The following MGAM variants were observed in gnomAD, a reference collection of about 807,000 sequenced individuals.
MGAM encodes maltase-glucoamylase.
MGAM carries 253 observed loss-of-function variants against 358.8 expected under a neutral mutation model. The observed-to-expected ratio is 0.71, with a 90% CI of 0.64 to 0.78. The LOEUF is 0.78. Among genes scored for constraint, MGAM ranks in the 30% least tolerant of loss-of-function variants. MGAM has a pLI of 0.00. For synonymous variants in MGAM, 1,105 were observed against 1,227.1 expected (o/e 0.90, Z 2.08); for missense variants, 3,080 against 3,432.6 (o/e 0.90, Z 2.57).
chr7:142,045,081 A>G (rs1354731738), intron 21 of MGAM, among the ~76,000 whole-genome samples: 2 of 77,202 alleles, frequency 2.6e-5, no homozygotes, highest in African/African-American at 9.3e-5. Context: ...CGTGTAATAT[A>G]TGATATATAA....
At chr7:142,020,262 G>A (rs532151551) in intron 4 of MGAM, among the ~76,000 whole-genome samples, 18 of 152,198 alleles carry the variant, frequency 1.2e-4, no homozygotes, top group African/African-American at 3.9e-4. Context: ...TAGGGAGATG[G>A]CATCAATGGA....
intron 3 of MGAM, among the ~76,000 whole-genome samples, chr7:142,012,655 T>C (rs1805682871): frequency 6.6e-6 from 1 of 152,232 alleles, no homozygotes; most frequent in South Asian, 2.1e-4. Context: ...TTATTATATG[T>C]AGTGATTTTG....
At position 142,080,925 on chromosome 7, in the gene MGAM, G is replaced by T. The variant is rs189122871; in HGVS notation, c.5982G>T (p.Arg1994=). ...ATCCATTTGGGATTGAAATTCGCCG[G>T]AAGAGTACAGGCACTATAATGTGAG... The part of the protein sequence containing the change: ...KKNPFGIEIR[R]KSTGTIIWDS... The change falls in exon 50 of 71, where the codon CGG becomes CGT. Residue 1994 remains arginine, a synonymous_variant. Transcript: ENST00000475668. 1 of 1,555,512 alleles carries T rather than the reference G, an allele frequency of 6.4e-7. No individual in the cohort carries two copies. Among genetic ancestry groups the T allele is most frequent in the Admixed American group, 1.7e-5 (1 of 58,398 alleles).
At chr7:142,071,843 C>T (rs1813373249) in intron 44 of MGAM, among the ~76,000 whole-genome samples, 1 of 145,950 alleles carries the variant, frequency 6.9e-6, no homozygotes, top group Admixed American at 6.9e-5. Flanking sequence ...TAATTGATTC[C>T]AAAATTATAG....
rs1807998388 is a variant in MGAM at position 142,036,371 on chromosome 7, A to G, written c.2076+86A>G. 6.0e-6 allele frequency: 6 copies of G among 995,984 alleles called. No homozygotes were observed. The Admixed American group carries it at 1.0e-4, about 17-fold the overall frequency. The allele number at this position is 995,984 out of a possible 1,614,324, so 61.7% of individuals were successfully genotyped here. On this transcript the variant is annotated intron_variant, in intron 17 of 70. Coordinates refer to ENST00000475668, the MANE Select transcript of MGAM (RefSeq NM_001365693.1). ...TGCATCCTTGCCAAGAGATCTGCTG[A>G]ACCAACCTCTTACCTGGTCTTCACT...
In MGAM at chr7:142,080,612, G is replaced by C. The variant is rs191433426; in HGVS notation, c.5848-179G>C. Among the ~76,000 whole-genome samples the C allele has an allele frequency of 8.9e-5, 13 of 146,214 alleles. 2 individuals are homozygous for C. The highest frequency in any genetic ancestry group is 1.2e-4 in the African/African-American group (5 of 41,204). On this transcript the variant is annotated intron_variant, in intron 49 of 70. Coordinates refer to ENST00000475668, the MANE Select transcript of MGAM (RefSeq NM_001365693.1). ...GAGGCCTTAGTAATGAGAAATGACA[G>C]ACAAACATATTAAATCTGACATTGT... is the stretch of plus-strand genomic sequence containing the variant.
chr7:142,085,031 A>G lies in MGAM; in HGVS notation c.6507+387A>G, dbSNP rs1316010736. Among the ~76,000 whole-genome samples the G allele has an allele frequency of 1.4e-5, 2 of 146,708 alleles. 1 individual carries two copies. The highest frequency in any genetic ancestry group is 3.1e-5 in the Non-Finnish European group (2 of 64,728). ...AAAACTAACCCCAAACCATCAGACCATTGTATATGTGGATACGACCTCAGT... is the reference window on the plus strand; with the variant it reads ...AAAACTAACCCCAAACCATCAGACCGTTGTATATGTGGATACGACCTCAGT... On this transcript the variant is annotated intron_variant, in intron 54 of 70. Transcript: ENST00000475668.
chr7:142,079,487 A>G lies in MGAM; in HGVS notation c.5847+479A>G, dbSNP rs142480815. 2.6e-3 allele frequency among the ~76,000 whole-genome samples: 374 copies of G among 145,910 alleles called. 15 individuals are homozygous for G. Among genetic ancestry groups the G allele is most frequent in the African/African-American group, 8.5e-3 (348 of 41,162 alleles). ...CATCAACCAGAATGGGAATACTGAA[A>G]AGGTTTGTGCTTGATCAATGTAAGA... On this transcript the variant is annotated intron_variant, in intron 49 of 70. Coordinates refer to ENST00000475668, the MANE Select transcript of MGAM (RefSeq NM_001365693.1).
At chr7:142,078,519 C>G (rs1198802710) in intron 48 of MGAM, 49 bp downstream of exon 48, 1 of 1,464,842 alleles carries the variant, frequency 6.8e-7, no homozygotes, top group South Asian at 1.3e-5. Context: ...CACACCTAAT[C>G]TATAGTTTCT....
Position 142,054,756 on chromosome 7 carries a change from T to A in MGAM, c.3162T>A (p.Ile1054=). The change falls in exon 27 of 71, where the codon ATT becomes ATA. Residue 1054 remains isoleucine (I), a splice_region_variant and synonymous_variant. Transcript: ENST00000475668. The part of the protein sequence containing the change: ...YHKNEMLQFK[I]YDPNKNRYEV... Reference sequence around the variant, plus strand: ...AAAATTGATTTCCTCTGGCCTAGATTTATGATCCCAACAAGAATCGGTATG... The same window carrying A: ...AAAATTGATTTCCTCTGGCCTAGATATATGATCCCAACAAGAATCGGTATG... The A allele has an allele frequency of 1.2e-6, 2 of 1,613,848 alleles. No individual in the cohort carries two copies. Among genetic ancestry groups the A allele is most frequent in the South Asian group, 2.2e-5 (2 of 91,060 alleles).
intron 42 of MGAM, among the ~76,000 whole-genome samples, chr7:142,067,965 AAT>A (rs1194685249): frequency 3.3e-5 from 1 of 30,112 alleles, no homozygotes; most frequent in African/African-American, 1.1e-4. Flanking sequence ...TATATATATA[AAT>A]ATATATATAT....
Position 142,026,558 on chromosome 7 carries a change from A to C in MGAM, c.983-557A>C, listed in dbSNP as rs571733356. On this transcript the variant is annotated intron_variant, in intron 8 of 70. Coordinates refer to ENST00000475668, the MANE Select transcript of MGAM (RefSeq NM_001365693.1). Reference sequence around the variant, plus strand: ...TGAAAGGGAATGGGGAAAGACACTTAGGAGAGAACAAATGACATTTTGGAA... The same window carrying C: ...TGAAAGGGAATGGGGAAAGACACTTCGGAGAGAACAAATGACATTTTGGAA... 1.4e-4 allele frequency among the ~76,000 whole-genome samples: 21 copies of C among 152,326 alleles called. No individual in the cohort carries two copies. The South Asian group carries it at 4.4e-3, about 32-fold the overall frequency.
Position 142,068,677 on chromosome 7 carries a change from A to G in MGAM, c.5035A>G (p.Arg1679Gly). Residue 1679 changes from arginine to glycine, a missense_variant, in exon 43 of 71, where the codon AGA (arginine) becomes GGA (glycine). By Grantham distance (125) the Arg-to-Gly change is moderately radical (BLOSUM62 -2). Around this residue, in one of 5 missense-constraint regions of MGAM, gnomAD observed 932 missense variants for 1,198.2 expected, o/e 0.78. Coordinates refer to ENST00000475668, the MANE Select transcript of MGAM (RefSeq NM_001365693.1). ...NARNVTAYFP[R>G]ARWYDYYTGV... Reference sequence around the variant, plus strand: ...CAGAAATGTCACTGCATATTTCCCTAGAGCCCGTTGGTACGATTACTACAC... The same window carrying G: ...CAGAAATGTCACTGCATATTTCCCTGGAGCCCGTTGGTACGATTACTACAC... The G allele has an allele frequency of 1.3e-6, 2 of 1,539,134 alleles. No individual in the cohort carries two copies. Among genetic ancestry groups the G allele is most frequent in the East Asian group, 2.3e-5 (1 of 43,900 alleles).
chr7:142,043,400 TATA>T lies in MGAM; in HGVS notation c.2498+2558_2498+2560del, dbSNP rs1388176086. On this transcript the variant is annotated intron_variant, in intron 21 of 70. Transcript: ENST00000475668. Reference sequence around the variant, plus strand: ...ATATAATATCTATATTATATATACATATAATATCTAAATATAATATCTATATTA... The same window carrying T: ...ATATAATATCTATATTATATATACATATATCTAAATATAATATCTATATTA... Among the ~76,000 whole-genome samples, 12 of 10,468 alleles carry T rather than the reference TATA, an allele frequency of 1.1e-3. 2 individuals carry two copies. Among genetic ancestry groups the T allele is most frequent in the South Asian group, 6.5e-3 (1 of 154 alleles). 6.9% of individuals were successfully genotyped at this position (10,468 alleles called of 152,430 possible).
rs527959348 is a variant in MGAM at position 142,056,549 on chromosome 7, G to T, written c.3581-281G>T. Among the ~76,000 whole-genome samples, 7 of 152,082 alleles carry T rather than the reference G, an allele frequency of 4.6e-5. No individual in the cohort carries two copies. The South Asian group carries it at 1.5e-3, about 32-fold the overall frequency. ...TATTCCCATGTAAGGAACCTGAACAGGTATCTCTTTATCTAACATAAAACT... is the reference window on the plus strand; with the variant it reads ...TATTCCCATGTAAGGAACCTGAACATGTATCTCTTTATCTAACATAAAACT... On this transcript the variant is annotated intron_variant, in intron 29 of 70. Coordinates refer to ENST00000475668, the MANE Select transcript of MGAM (RefSeq NM_001365693.1).
intron 31 of MGAM, 126 bp from the exon 32 acceptor site, chr7:142,059,346 A>C (rs761026999): frequency 1.7e-5 from 24 of 1,434,976 alleles, no homozygotes; most frequent in Middle Eastern, 4.6e-4. Context: ...CAAATGGCAG[A>C]GCTGGGATTT....
Position 142,090,354 on chromosome 7 carries a change from T to A in MGAM, c.6811-1559T>A, listed in dbSNP as rs140871175. Among the ~76,000 whole-genome samples the A allele has an allele frequency of 9.1e-3, 1,318 of 145,372 alleles. 143 individuals are homozygous for A. In the East Asian group the frequency reaches 0.098, roughly 11 times the overall value. On this transcript the variant is annotated intron_variant, in intron 57 of 70. Transcript: ENST00000475668. ...ATAATCTCTTTATTCTAATTCTCCA[T>A]CCCCCACCCATCCCGTCGTTTCTAA...
intron 61 of MGAM, 29 bp downstream of exon 61, chr7:142,094,526 C>G: frequency 6.4e-7 from 1 of 1,554,144 alleles, no homozygotes; most frequent in Non-Finnish European, 8.8e-7. Flanking sequence ...GGGCCTGTGC[C>G]GGTAGGGCAG....
At position 142,078,638 on chromosome 7, in the gene MGAM, A is replaced by G. The variant is rs115856882; in HGVS notation, c.5646+168A>G. On this transcript the variant is annotated intron_variant, in intron 48 of 70. Transcript: ENST00000475668. The stretch of plus-strand genomic sequence containing the variant: ...GGTGGGGACATGTGGAAAACTTTTT[A>G]AAATAAATATTTTGCTTGGAGACCA... Among the ~76,000 whole-genome samples, 1,265 of 146,604 alleles carry G rather than the reference A, an allele frequency of 8.6e-3. 147 individuals are homozygous for G. In the South Asian group the frequency reaches 0.097, roughly 11 times the overall value.
Sources: gnomAD v4.1 joint callset for allele counts (sites outside exome capture counted in the v4.1 genomes callset) on GRCh38, gnomAD v4.1.1 for gene constraint, gnomAD v4.1.1 regional missense constraint, MANE v1.5 for transcripts, NCBI Gene and HGNC (gene_info 2026-07-23, HGNC 2026-07-21) for gene names.